The following PGGHG variants were observed in gnomAD, a reference collection of about 807,000 sequenced individuals.
The protein encoded by PGGHG is ATH1, acid trehalase-like 1.
PGGHG carries 67 observed loss-of-function variants against 74.5 expected under a neutral mutation model. The ratio of observed to expected loss-of-function variants is 0.90; its 90% confidence interval spans 0.74 to 1.10. PGGHG has a LOEUF of 1.10. Ranked by LOEUF, PGGHG falls within the 50% of genes least tolerant of loss-of-function variation. PGGHG has a pLI of 0.00. For synonymous variants in PGGHG, 496 were observed against 419.9 expected (o/e 1.18, Z -2.21); for missense variants, 1,034 against 981.5 (o/e 1.05, Z -0.72).
In PGGHG at chr11:295,813, C is replaced by T. The variant is rs1845850794; in HGVS notation, c.*1064C>T. 6.6e-6 allele frequency: 1 copy of T among 152,298 alleles called. No individual in the cohort carries two copies. The highest frequency in any genetic ancestry group is 1.5e-5 in the Non-Finnish European group (1 of 68,078). The allele number at this position is 152,298 out of a possible 1,614,324, so 9.4% of individuals were successfully genotyped here. ...AGCAACATGGCTCCCCTCGCATCTG[C>T]ATCTCCCTCCTGCTCTGGTGTTGCC... On this transcript the variant is annotated 3_prime_UTR_variant, in exon 14 of 14. Transcript: ENST00000409548.
At position 290,320 on chromosome 11, in the gene PGGHG, G is replaced by A. The variant is rs934814672; in HGVS notation, c.260-70G>A. 8 of 1,462,276 alleles carry A rather than the reference G, an allele frequency of 5.5e-6. No individual in the cohort carries two copies. In the South Asian group the frequency reaches 6.2e-5, roughly 11 times the overall value. 90.6% of individuals were successfully genotyped at this position (1,462,276 alleles called of 1,614,324 possible). A position where few individuals can be genotyped will look rare whatever the true frequency, so the allele number is the denominator to read the frequency against. ...CTCATTGTGGGGAGAGGCAGCGGTC[G>A]GGTGGTCCACTCCTGCCCCAGAGAG... On this transcript the variant is annotated intron_variant, in intron 2 of 13. Coordinates refer to ENST00000409548, the MANE Select transcript of PGGHG (RefSeq NM_025092.5).
chr11:293,215 C>T lies in PGGHG; in HGVS notation c.1323C>T (p.Thr441=), dbSNP rs573624035. Residue 441 remains threonine, a synonymous_variant, in exon 8 of 14, where the codon ACC becomes ACT. Transcript: ENST00000409548. ...YHSGVNNSVY[T]NVLVQNSLRF... ...CAGGGGTCAACAACTCTGTGTACAC[C>T]AACGTCCTGGTCCAGAACAGGTCAG... The T allele has an allele frequency of 6.2e-7, 1 of 1,613,696 alleles. No homozygotes were observed. The highest frequency in any genetic ancestry group is 1.7e-5 in the Admixed American group (1 of 60,020).
rs183884664 is a variant in PGGHG, at chr11:293,532, C to T, written c.1480+30C>T. 3.3e-4 allele frequency: 538 copies of T among 1,612,082 alleles called. 3 individuals carry two copies. In the African/African-American group the frequency reaches 6.3e-3, roughly 19 times the overall value. On this transcript the variant is annotated intron_variant, in intron 9 of 13. Transcript: ENST00000409548. ...GTGGACCCCTTCAAGGGCTCCTCCC[C>T]TGCCGTCGAGACCCTCGAGTCTGTC...
chr11:293,046 A>G (rs1441520658), intron 7 of PGGHG, 49 bp downstream of exon 7: 3 of 1,613,856 alleles, frequency 1.9e-6, no homozygotes, highest in East Asian at 4.5e-5. Context: ...GGATGCTCCC[A>G]GACTCAGCAG....
chr11:294,911 G>A lies in PGGHG; in HGVS notation c.*162G>A. On this transcript the variant is annotated 3_prime_UTR_variant, in exon 14 of 14. Coordinates refer to ENST00000409548, the MANE Select transcript of PGGHG (RefSeq NM_025092.5). Reference sequence around the variant, plus strand: ...CTGAGTTCAAGGCTTTCTGCCTGTAGCCTGGACTCCCGTGGACCCCCGTGG... The same window carrying A: ...CTGAGTTCAAGGCTTTCTGCCTGTAACCTGGACTCCCGTGGACCCCCGTGG... 1.1e-6 allele frequency: 1 copy of A among 872,512 alleles called. No homozygotes were observed. The highest frequency in any genetic ancestry group is 1.7e-6 in the Non-Finnish European group (1 of 598,402). 54.0% of individuals were successfully genotyped at this position (872,512 alleles called of 1,614,324 possible).
chr11:294,418 T>C lies in PGGHG; in HGVS notation c.1960T>C (p.Trp654Arg), dbSNP rs1845817080. 6.3e-7 allele frequency: 1 copy of C among 1,578,392 alleles called. No homozygotes were observed. The highest frequency in any genetic ancestry group is 1.4e-5 in the African/African-American group (1 of 69,994). ...TVEVTARAGPWAPHLEAELWP... is the reference protein window; with the variant it reads ...TVEVTARAGPRAPHLEAELWP... ...GGAGGTCACAGCTCGAGCAGGGCCC[T>C]GGGCTCCTCACCTGGAGGCTGAGCT... Residue 654 changes from tryptophan (W) to arginine (R), a missense_variant, in exon 13 of 14, where the codon TGG becomes CGG. Coordinates refer to ENST00000409548, the MANE Select transcript of PGGHG (RefSeq NM_025092.5).
chr11:292,001 T>C lies in PGGHG; in HGVS notation c.932T>C (p.Leu311Pro), dbSNP rs1215930293. Residue 311 changes from leucine to proline, a missense_variant, in exon 5 of 14, where the codon CTG (leucine) becomes CCG (proline). By Grantham distance (98) the Leu-to-Pro change is moderately conservative. Transcript: ENST00000409548. ...GACCTCTGGATGTTCCCGAGTATCC[T>C]GATGTTCCACCCAGAAGCCGCCAGG... ...DQDLWMFPSI[L>P]MFHPEAARAI... The C allele has an allele frequency of 1.2e-6, 2 of 1,610,498 alleles. No homozygotes were observed. The highest frequency in any genetic ancestry group is 1.7e-6 in the Non-Finnish European group (2 of 1,178,862).
In PGGHG at chr11:289,642, C is replaced by A. The variant is rs1257051055; in HGVS notation, c.-13-162C>A. On this transcript the variant is annotated intron_variant, in intron 1 of 13. Transcript: ENST00000409548. This position sits in a 1 kb window ranked among gnomAD's most constrained non-coding sequence, Gnocchi z 5.6. Reference sequence around the variant, plus strand: ...GCCCCTCTGAGAGTCGAGCTCCTTTCCTGCGAGGCCCCGTCTAGGAGGGGC... The same window carrying A: ...GCCCCTCTGAGAGTCGAGCTCCTTTACTGCGAGGCCCCGTCTAGGAGGGGC... 2.3e-6 allele frequency: 2 copies of A among 879,686 alleles called. No individual in the cohort carries two copies. Among genetic ancestry groups the A allele is most frequent in the African/African-American group, 1.7e-5 (1 of 58,738 alleles). The allele number at this position is 879,686 out of a possible 1,614,324, so 54.5% of individuals were successfully genotyped here.
At chr11:292,250 C>T (rs1845744865) in intron 5 of PGGHG, among the ~76,000 whole-genome samples, 155 bp downstream of exon 5, 1 of 151,876 alleles carries the variant, frequency 6.6e-6, no homozygotes. Flanking sequence ...TCAGCAGTGC[C>T]CTGCAGCCCG....
chr11:292,409 G>T, intron 5 of PGGHG, 137 bp from the exon 6 acceptor site: 1 of 1,158,610 alleles, frequency 8.6e-7, no homozygotes, highest in Non-Finnish European at 1.2e-6. Flanking sequence ...ACGTGCAGTG[G>T]GCCTTCTAGC....
At chr11:291,578 G>A (rs1388509043) in intron 4 of PGGHG, 8 of 259,534 alleles carry the variant, frequency 3.1e-5, no homozygotes, top group Non-Finnish European at 5.2e-5. Flanking sequence ...GCTGCTGGGC[G>A]TGGAGGTGTC....
rs1590288554 is a variant in PGGHG at position 292,992 on chromosome 11, T to A, written c.1265T>A (p.Leu422Gln). The change falls in exon 7 of 14, where the codon CTG becomes CAG. Residue 422 changes from leucine to glutamine, a missense_variant. Physicochemically the swap from Leu to Gln is moderately radical, Grantham distance 113 (BLOSUM62 -2). Transcript: ENST00000409548. ...AGCCCCAGGGAGGAAAAGTACCACC[T>A]GAGGGGTGAGGCCATGGTGGGGAGG... The part of the protein sequence containing the change: ...EWSPREEKYH[L>Q]RGVMSPDEYH... 16 of 1,593,542 alleles carry A rather than the reference T, an allele frequency of 1.0e-5. No homozygotes were observed. Among genetic ancestry groups the A allele is most frequent in the Non-Finnish European group, 1.4e-5 (16 of 1,168,256 alleles).
At chr11:291,736 A>C in intron 4 of PGGHG, 2 of 507,992 alleles carry the variant, frequency 3.9e-6, no homozygotes, top group Non-Finnish European at 6.8e-6. Flanking sequence ...GGAGCCTCTG[A>C]GGCCACACAA....
chr11:294,275 G>A lies in PGGHG; in HGVS notation c.1817G>A (p.Arg606Gln), dbSNP rs114112322. The change falls in exon 13 of 14, where the codon CGA becomes CAA. Residue 606 changes from arginine to glutamine, a missense_variant. Physicochemically the swap from Arg to Gln is conservative, Grantham distance 43. Coordinates refer to ENST00000409548, the MANE Select transcript of PGGHG (RefSeq NM_025092.5). ...AGCCTCTCCTCCCACAGGGTCACCC[G>A]AGCGGGTGTGACCTTTGACCCTGTG... is the stretch of plus-strand genomic sequence containing the variant. ...VFGCTGFRVTRAGVTFDPVCL... is the reference protein window; with the variant it reads ...VFGCTGFRVTQAGVTFDPVCL... The A allele has an allele frequency of 2.9e-5, 47 of 1,605,798 alleles. No homozygotes were observed. The highest frequency in any genetic ancestry group is 1.5e-4 in the African/African-American group (11 of 74,868).
intron 4 of PGGHG, 178 bp from the exon 5 acceptor site, chr11:291,798 G>A (rs1268090619): frequency 2.3e-5 from 21 of 904,218 alleles, no homozygotes; most frequent in South Asian, 1.7e-4. Context: ...CTCCAGGAGC[G>A]TCTGGGCTGG....
At chr11:293,086 C>T in intron 7 of PGGHG, 77 bp from the exon 8 acceptor site, 1 of 1,613,808 alleles carries the variant, frequency 6.2e-7, no homozygotes. Flanking sequence ...CGTGTGCCAG[C>T]CCCACGCTGA....
At chr11:294,024 G>A (rs887865405) in intron 11 of PGGHG, 75 bp from the exon 12 acceptor site, 48 of 1,576,968 alleles carry the variant, frequency 3.0e-5, no homozygotes, top group Non-Finnish European at 4.1e-5. Flanking sequence ...GGAGCTTCCT[G>A]CCGGATCTTG....
Position 290,495 on chromosome 11 carries a change from G to T in PGGHG, c.365G>T (p.Arg122Leu), listed in dbSNP as rs780785433. 3.2e-6 allele frequency: 5 copies of T among 1,550,190 alleles called. No homozygotes were observed. The highest frequency in any genetic ancestry group is 4.4e-6 in the Non-Finnish European group (5 of 1,146,956). Reference sequence around the variant, plus strand: ...CTGGCTTTCCGAGTGTCCATCGCCCGCCTGGCCCCGGGGAGCGGGCCCATC... The same window carrying T: ...CTGGCTTTCCGAGTGTCCATCGCCCTCCTGGCCCCGGGGAGCGGGCCCATC... ...HVLAFRVSIA[R>L]LAPGSGPITL... The change falls in exon 3 of 14, where the codon CGC becomes CTC. Residue 122 changes from arginine to leucine, a missense_variant. Physicochemically the swap from Arg to Leu is moderately radical, Grantham distance 102. Transcript: ENST00000409548.
Position 289,692 on chromosome 11 carries a change from C to A in PGGHG, c.-13-112C>A. 7.4e-7 allele frequency: 1 copy of A among 1,344,286 alleles called. No homozygotes were observed. The highest frequency in any genetic ancestry group is 9.9e-7 in the Non-Finnish European group (1 of 1,014,430). The allele number at this position is 1,344,286 out of a possible 1,614,324, so 83.3% of individuals were successfully genotyped here. A position where few individuals can be genotyped will look rare whatever the true frequency, so the allele number is the denominator to read the frequency against. ...CCTCAGGAAAATCGGGGCTGCCCAG[C>A]TGGTTCCGCAACTCCCCCCAGTTCT... On this transcript the variant is annotated intron_variant, in intron 1 of 13. Transcript: ENST00000409548. The surrounding 1 kb of genome is among the most constrained non-coding windows in gnomAD (Gnocchi z 5.6).
Sources: allele counts gnomAD v4.1 joint callset (sites outside exome capture counted in the v4.1 genomes callset), GRCh38; gene constraint gnomAD v4.1.1; non-coding constraint Gnocchi (gnomAD v3.1); transcripts MANE v1.5; gene names NCBI Gene and HGNC (gene_info 2026-07-23, HGNC 2026-07-21).